Variants in USP34 observed in about 807,000 individuals in gnomAD.
The protein encoded by USP34 is ubiquitin carboxyl-terminal hydrolase 34.
A neutral mutation model predicts 460.3 loss-of-function variants in USP34; 70 were observed. The ratio of observed to expected loss-of-function variants is 0.15; its 90% CI spans 0.13 to 0.19. The LOEUF is 0.19. Among genes scored for constraint, USP34 ranks in the 10% least tolerant of loss-of-function variants. USP34 has a pLI of 1.00. For synonymous variants in USP34, 1,647 were observed against 1,405.3 expected (o/e 1.17, Z -3.85); for missense variants, 3,985 against 4,236.2 (o/e 0.94, Z 1.65).
chr2:61,388,418 T>A, intron 5 of USP34, among the ~76,000 whole-genome samples: 4 of 135,434 alleles, frequency 3.0e-5, no homozygotes, highest in South Asian at 2.3e-4. Flanking sequence ...AGTTTGAAAA[T>A]ATGCATACTC....
intron 1 of USP34, among the ~76,000 whole-genome samples, chr2:61,460,560 T>C (rs896367637): frequency 1.1e-4 from 17 of 152,258 alleles, no homozygotes; most frequent in African/African-American, 4.1e-4. Context: ...AAACAGTATA[T>C]AGGGTACAGC....
chr2:61,242,539 G>A (rs1056104678), intron 51 of USP34, among the ~76,000 whole-genome samples: 4 of 149,320 alleles, frequency 2.7e-5, no homozygotes, highest in African/African-American at 9.9e-5. Flanking sequence ...GAAGCAATAA[G>A]AAGCAATCAG....
At position 61,402,866 on chromosome 2, in the gene USP34, C is replaced by T. The variant is rs1229308616; in HGVS notation, c.552+2842G>A. Among the ~76,000 whole-genome samples, 4 of 152,112 alleles carry T rather than the reference C, an allele frequency of 2.6e-5. No homozygotes were observed. The South Asian group carries it at 6.2e-4, about 24-fold the overall frequency. ...TGTGTATATACATACAAAATTTATACATATATATAATTTTATAACATGTAT... is the reference window on the plus strand; with the variant it reads ...TGTGTATATACATACAAAATTTATATATATATATAATTTTATAACATGTAT... On this transcript the variant is annotated intron_variant, in intron 3 of 79. Transcript: ENST00000398571.
At chr2:61,272,410 CAAAAAA>C (rs768984469) in intron 41 of USP34, among the ~76,000 whole-genome samples, 1 of 82,668 alleles carries the variant, frequency 1.2e-5, no homozygotes, top group Non-Finnish European at 2.4e-5. Flanking sequence ...GACCCCATCT[CAAAAAA>C]AAAAAAAAAA....
At chr2:61,234,096 T>TA (rs1687996487) in intron 57 of USP34, among the ~76,000 whole-genome samples, 2 of 152,200 alleles carry the variant, frequency 1.3e-5, no homozygotes, top group African/African-American at 4.8e-5. Context: ...ATGTGACAGC[T>TA]TATTATCCCT....
At chr2:61,191,372 A>C (rs72884979) in intron 76 of USP34, 129 of 151,832 alleles carry the variant, frequency 8.5e-4, no homozygotes, top group African/African-American at 2.8e-3. Flanking sequence ...ATATTTTTTA[A>C]ATAGGACAAA....
chr2:61,312,129 G>T (rs1315577349), intron 25 of USP34, among the ~76,000 whole-genome samples: 1 of 149,160 alleles, frequency 6.7e-6, no homozygotes, highest in Non-Finnish European at 1.5e-5. Context: ...TAGTCACCAC[G>T]AGAAATTACT....
chr2:61,194,092 C>T (rs139436617), intron 75 of USP34: 97 of 985,318 alleles, frequency 9.8e-5, no homozygotes, highest in East Asian at 4.5e-4. Flanking sequence ...TTGTAATTTG[C>T]CAAACCGTGG....
chr2:61,286,713 C>T (rs1045839408), intron 34 of USP34, among the ~76,000 whole-genome samples: 6 of 151,878 alleles, frequency 4.0e-5, no homozygotes, highest in African/African-American at 9.7e-5. Flanking sequence ...AAAGATAACA[C>T]GAAAAGATAT....
At chr2:61,320,903 G>C (rs193292812) in intron 21 of USP34, among the ~76,000 whole-genome samples, 65 of 152,146 alleles carry the variant, frequency 4.3e-4, no homozygotes, top group African/African-American at 1.3e-3. Context: ...CCAGCTACTC[G>C]GGAGGATAAG....
intron 62 of USP34, chr2:61,226,841 C>T: frequency 4.3e-6 from 2 of 467,898 alleles, no homozygotes; most frequent in Non-Finnish European, 7.1e-6. Context: ...TAACACGACT[C>T]ATAGATGAAG....
chr2:61,457,595 C>G (rs1283017389), intron 1 of USP34, among the ~76,000 whole-genome samples: 7 of 152,054 alleles, frequency 4.6e-5, no homozygotes, highest in African/African-American at 1.7e-4. Context: ...GTGTGTGGTG[C>G]CTCACGCCTG....
At chr2:61,340,416 A>T in intron 16 of USP34, among the ~76,000 whole-genome samples, 1 of 152,184 alleles carries the variant, frequency 6.6e-6, no homozygotes, top group East Asian at 1.9e-4. Context: ...CTCTTGGGTA[A>T]ATACTAGGAT....
chr2:61,206,823 C>G lies in USP34; in HGVS notation c.8983G>C (p.Val2995Leu), dbSNP rs1687133506. The G allele has an allele frequency of 6.2e-7, 1 of 1,613,766 alleles. No homozygotes were observed. Among genetic ancestry groups the G allele is most frequent in the Non-Finnish European group, 8.5e-7 (1 of 1,179,790 alleles). The part of the protein sequence containing the change: ...ATACHVTGDL[V>L]ELLSIFLSVL... Reference sequence around the variant, plus strand: ...GAAAGAAATATTGACAGAAGTTCTACTAAATCTCCAGTCACATGGCAAGCT... The same window carrying G: ...GAAAGAAATATTGACAGAAGTTCTAGTAAATCTCCAGTCACATGGCAAGCT... The change falls in exon 71 of 80, where the codon GTA (valine) becomes CTA (leucine). Residue 2995 changes from valine to leucine, a missense_variant. Coordinates refer to ENST00000398571, the MANE Select transcript of USP34 (RefSeq NM_014709.4).
intron 9 of USP34, 36 bp from the exon 10 acceptor site, chr2:61,370,449 T>C (rs1269106788): frequency 6.2e-7 from 1 of 1,612,692 alleles, no homozygotes; most frequent in Non-Finnish European, 8.5e-7. Context: ...TTTTTAAAAA[T>C]ATTCTTCTCT....
intron 27 of USP34, among the ~76,000 whole-genome samples, chr2:61,310,925 G>T (rs1456516303): frequency 6.6e-6 from 1 of 152,060 alleles, no homozygotes; most frequent in African/African-American, 2.4e-5. Flanking sequence ...CACATCAAAA[G>T]TCTAAAATAG....
chr2:61,360,471 T>G (rs922911870), intron 10 of USP34, among the ~76,000 whole-genome samples: 1 of 152,122 alleles, frequency 6.6e-6, no homozygotes, highest in Non-Finnish European at 1.5e-5. Context: ...TTACAATATG[T>G]AGAAATAAAC....
intron 1 of USP34, among the ~76,000 whole-genome samples, chr2:61,445,198 A>T (rs1428568964): frequency 6.7e-6 from 1 of 150,134 alleles, no homozygotes; most frequent in East Asian, 1.9e-4. Context: ...CTAAGAGAAA[A>T]AACTGTCAAC....
chr2:61,347,328 T>C (rs1691802408), intron 15 of USP34, among the ~76,000 whole-genome samples: 1 of 152,164 alleles, frequency 6.6e-6, no homozygotes, highest in South Asian at 2.1e-4. Flanking sequence ...GCATTGTGGA[T>C]ATTATTGGTT....
Sources: allele counts gnomAD v4.1 joint callset (sites outside exome capture counted in the v4.1 genomes callset), GRCh38; gene constraint gnomAD v4.1.1; transcripts MANE v1.5; gene names NCBI Gene and HGNC (gene_info 2026-07-23, HGNC 2026-07-21).